The following CRIM1 variants were observed in gnomAD, a reference collection of about 807,000 sequenced individuals.
The protein encoded by CRIM1 is cysteine rich transmembrane BMP regulator 1, also known as cysteine-rich motor neuron 1 protein.
CRIM1 carries 32 observed loss-of-function variants against 116.4 expected under a neutral mutation model. The ratio of observed to expected loss-of-function variants is 0.27; its 90% CI spans 0.21 to 0.37. The LOEUF (loss-of-function observed/expected upper bound fraction) is 0.37. CRIM1 is among the 10% of genes least tolerant of loss of function. CRIM1 has a pLI of 1.00. For missense variants in CRIM1, 1,331 were observed against 1,354.8 expected (o/e 0.98, Z 0.28); for synonymous variants, 590 against 509.2 (o/e 1.16, Z -2.13).
intron 13 of CRIM1, among the ~76,000 whole-genome samples, chr2:36,535,427 C>T (rs773720295): frequency 8.5e-5 from 13 of 152,086 alleles, no homozygotes; most frequent in Non-Finnish European, 1.6e-4. Context: ...GAGTTTTTAG[C>T]CTAATAACTA....
intron 1 of CRIM1, among the ~76,000 whole-genome samples, chr2:36,392,187 AG>A (rs1312425379): frequency 1.3e-5 from 2 of 152,240 alleles, no homozygotes; most frequent in Non-Finnish European, 2.9e-5. Context: ...ACTTCACTGT[AG>A]TACTCAATAT....
At chr2:36,408,586 C>A (rs537277964) in intron 2 of CRIM1, among the ~76,000 whole-genome samples, 1 of 152,308 alleles carries the variant, frequency 6.6e-6, no homozygotes, top group South Asian at 2.1e-4. Context: ...TGGAGCTGTC[C>A]CTTCTGTGTC....
chr2:36,504,885 C>A (rs758668901), intron 8 of CRIM1, among the ~76,000 whole-genome samples: 7 of 152,146 alleles, frequency 4.6e-5, no homozygotes, highest in Non-Finnish European at 8.8e-5. Context: ...TGGATTTGAT[C>A]AGATTATTTG....
chr2:36,396,249 A>G (rs970160577), intron 1 of CRIM1, among the ~76,000 whole-genome samples: 1 of 152,186 alleles, frequency 6.6e-6, no homozygotes, highest in Non-Finnish European at 1.5e-5. Context: ...TAGATTGACA[A>G]ATGTGACTCT....
chr2:36,362,145 A>G (rs917789115), intron 1 of CRIM1, among the ~76,000 whole-genome samples: 1 of 152,138 alleles, frequency 6.6e-6, no homozygotes, highest in African/African-American at 2.4e-5. Flanking sequence ...CAAAAAGTCT[A>G]TTATGTAGAC....
chr2:36,410,750 A>AT (rs1358511255), intron 2 of CRIM1, among the ~76,000 whole-genome samples: 1 of 152,126 alleles, frequency 6.6e-6, no homozygotes, highest in East Asian at 1.9e-4. Flanking sequence ...AAAAAAAAAA[A>AT]GTCCAATCTG....
intron 5 of CRIM1, among the ~76,000 whole-genome samples, chr2:36,474,847 CAA>C (rs56084308): frequency 6.8e-4 from 62 of 90,724 alleles, no homozygotes; most frequent in Middle Eastern, 6.2e-3. Flanking sequence ...GACTCTATAT[CAA>C]AAAAAAAAAA....
intron 7 of CRIM1, among the ~76,000 whole-genome samples, chr2:36,496,620 T>G (rs1268526321): frequency 2.6e-5 from 4 of 152,244 alleles, no homozygotes; most frequent in Non-Finnish European, 5.9e-5. Context: ...AACGGCCCTT[T>G]ATGCAATTTT....
intron 2 of CRIM1, among the ~76,000 whole-genome samples, chr2:36,425,996 G>A (rs1387398564): frequency 1.3e-5 from 2 of 152,174 alleles, no homozygotes; most frequent in South Asian, 2.1e-4. Context: ...ATTGTTTTTA[G>A]CCCATTATCA....
At chr2:36,384,860 A>G (rs2148345583) in intron 1 of CRIM1, among the ~76,000 whole-genome samples, 1 of 152,332 alleles carries the variant, frequency 6.6e-6, no homozygotes, top group South Asian at 2.1e-4. Flanking sequence ...GTCCACCTAA[A>G]CATACACTAA....
chr2:36,501,471 C>A (rs1368558809), intron 8 of CRIM1, among the ~76,000 whole-genome samples: 2 of 152,150 alleles, frequency 1.3e-5, no homozygotes, highest in Non-Finnish European at 2.9e-5. Context: ...ATAATCCCAG[C>A]ACTTTGGGAG....
At chr2:36,399,851 GAGAA>G (rs1455378807) in intron 2 of CRIM1, among the ~76,000 whole-genome samples, 4 of 152,206 alleles carry the variant, frequency 2.6e-5, no homozygotes, top group African/African-American at 7.2e-5. Context: ...GAAAATCAAA[GAGAA>G]AGAGGAAAAT....
At chr2:36,466,244 G>A (rs1678019297) in intron 5 of CRIM1, among the ~76,000 whole-genome samples, 1 of 152,038 alleles carries the variant, frequency 6.6e-6, no homozygotes, top group Non-Finnish European at 1.5e-5. Flanking sequence ...CTGGACATTG[G>A]GGATGGGGGA....
intron 7 of CRIM1, among the ~76,000 whole-genome samples, chr2:36,495,870 A>G (rs986836256): frequency 1.3e-5 from 2 of 152,150 alleles, no homozygotes; most frequent in African/African-American, 2.4e-5. Flanking sequence ...TAGATAATTC[A>G]TAAATAGGTA....
At position 36,464,556 on chromosome 2, in the gene CRIM1, T is replaced by C. The variant is rs1429594713; in HGVS notation, c.892T>C (p.Cys298Arg). ...PTRCECLSGL[C>R]GFPVCEVGST... ...CAGATGCGAGTGTCTCTCTGGCTTA[T>C]GTGGTTTCCCCGTGTGTGAGGTGGG... The change falls in exon 5 of 17, where the codon TGT becomes CGT. Residue 298 changes from cysteine (C) to arginine (R), a missense_variant. Physicochemically the swap from Cys to Arg is radical, Grantham distance 180 (BLOSUM62 -3). Around this residue, in one of 3 missense-constraint regions of CRIM1, gnomAD observed 690 missense variants for 676.0 expected, o/e 1.02. Transcript: ENST00000280527. 2.5e-6 allele frequency: 4 copies of C among 1,614,074 alleles called. No homozygotes were observed. In the Admixed American group the frequency reaches 6.7e-5, roughly 27 times the overall value.
chr2:36,389,559 A>T (rs1431441326), intron 1 of CRIM1, among the ~76,000 whole-genome samples: 2 of 152,194 alleles, frequency 1.3e-5, no homozygotes, highest in African/African-American at 2.4e-5. Flanking sequence ...TTGCTTTTTA[A>T]TATCTGCTAT....
At chr2:36,401,335 A>G (rs192056296) in intron 2 of CRIM1, among the ~76,000 whole-genome samples, 2 of 152,332 alleles carry the variant, frequency 1.3e-5, no homozygotes, top group East Asian at 3.9e-4. Context: ...GGCTTAGTGC[A>G]GAATAGTTTG....
chr2:36,458,967 T>G (rs542601398), intron 4 of CRIM1, among the ~76,000 whole-genome samples: 1 of 152,342 alleles, frequency 6.6e-6, no homozygotes, highest in East Asian at 1.9e-4. Context: ...CCTCGTGGTA[T>G]CTCTCACTTT....
rs1363987174 is a variant in CRIM1 at position 36,510,271 on chromosome 2, G to A, written c.1658+132G>A. On this transcript the variant is annotated intron_variant, in intron 9 of 16. Coordinates refer to ENST00000280527, the MANE Select transcript of CRIM1 (RefSeq NM_016441.3). ...AGCCCAGAATGTCTATACTTGTTTT[G>A]TTAGGTGATTCAGAAAGCAGGGAGA... 6 of 803,448 alleles carry A rather than the reference G, an allele frequency of 7.5e-6. No homozygotes were observed. In the South Asian group the frequency reaches 7.9e-5, roughly 11 times the overall value. The allele number at this position is 803,448 out of a possible 1,614,324, so 49.8% of individuals were successfully genotyped here. A position where few individuals can be genotyped will look rare whatever the true frequency, so the allele number is the denominator to read the frequency against.
Sources: allele counts gnomAD v4.1 joint callset (sites outside exome capture counted in the v4.1 genomes callset), GRCh38; gene constraint gnomAD v4.1.1; regional missense constraint gnomAD v4.1.1; transcripts MANE v1.5; gene names NCBI Gene and HGNC (gene_info 2026-07-23, HGNC 2026-07-21).